PPP2R5C: variants seen among roughly 807,000 people sequenced by gnomAD.
PPP2R5C encodes protein phosphatase 2 regulatory subunit B'gamma.
PPP2R5C carries 7 observed loss-of-function variants against 68.9 expected under a neutral mutation model. The ratio of observed to expected loss-of-function variants is 0.10; its 90% CI spans 0.06 to 0.19. PPP2R5C has a LOEUF of 0.19. Among genes scored for constraint, PPP2R5C ranks in the 10% least tolerant of loss-of-function variants. The pLI is 1.00. For synonymous variants in PPP2R5C, 210 were observed against 222.2 expected, an observed-to-expected ratio of 0.95 and a Z score of 0.49; for missense variants, 348 against 641.3, an observed-to-expected ratio of 0.54 and a Z score of 4.94.
At chr14:101,887,287 A>G (rs536185791) in intron 5 of PPP2R5C, among the ~76,000 whole-genome samples, 11 of 152,178 alleles carry the variant, frequency 7.2e-5, no homozygotes, top group Non-Finnish European at 1.6e-4. Context: ...ATAACCAGCC[A>G]TGGGTCATGC....
chr14:101,827,274 C>G (rs1479321116), intron 1 of PPP2R5C, among the ~76,000 whole-genome samples: 1 of 152,046 alleles, frequency 6.6e-6, no homozygotes, highest in Non-Finnish European at 1.5e-5. Context: ...CTACACCCAG[C>G]CTTGTTTAAC....
In PPP2R5C at chr14:101,874,061, G is replaced by T. The variant is rs551732265; in HGVS notation, c.295-8100G>T. Reference sequence around the variant, plus strand: ...AGATACTCAATAAACACTTAACTCCGTCCACCCAGGGGATCTAGCAATTAT... The same window carrying T: ...AGATACTCAATAAACACTTAACTCCTTCCACCCAGGGGATCTAGCAATTAT... On this transcript the variant is annotated intron_variant, in intron 2 of 13. Coordinates refer to ENST00000334743, the Ensembl canonical transcript of PPP2R5C. Among the ~76,000 whole-genome samples the T allele has an allele frequency of 2.0e-5, 3 of 152,254 alleles. No homozygotes were observed. In the South Asian group the frequency reaches 6.2e-4, roughly 32 times the overall value.
In PPP2R5C at chr14:101,761,941, G is replaced by A. The variant is rs1012942825; in HGVS notation, c.27+21G>A. 45 of 1,191,356 alleles carry A rather than the reference G, an allele frequency of 3.8e-5. No individual in the cohort carries two copies. The African/African-American group carries it at 6.1e-4, about 16-fold the overall frequency. 73.8% of individuals were successfully genotyped at this position (1,191,356 alleles called of 1,614,324 possible). A position where few individuals can be genotyped will look rare whatever the true frequency, so the allele number is the denominator to read the frequency against. On this transcript the variant is annotated intron_variant, in intron 1 of 14. Transcript: ENST00000328724. ...AGAAAGTGAGTCCGGGCCCGGCCGC[G>A]GGACGGAGGGAGCAGGGAGGGACTG...
intron 5 of PPP2R5C, 54 bp downstream of exon 7, chr14:101,883,616 C>T (rs2044295895): frequency 6.3e-7 from 1 of 1,585,464 alleles, no homozygotes; most frequent in African/African-American, 1.4e-5. Flanking sequence ...TCATTTCCCC[C>T]CTCGATGCTC....
At chr14:101,791,843 A>C (rs902355762) in intron 3 of PPP2R5C, among the ~76,000 whole-genome samples, 7 of 152,110 alleles carry the variant, frequency 4.6e-5, no homozygotes, top group Non-Finnish European at 1.0e-4. Context: ...CTAGTATCTG[A>C]GGTGTTTGAC....
intron 2 of PPP2R5C, among the ~76,000 whole-genome samples, chr14:101,868,096 T>G (rs570526241): frequency 1.3e-5 from 2 of 152,344 alleles, no homozygotes; most frequent in African/African-American, 4.8e-5. Context: ...CAGTGTGTTC[T>G]GGAAAGTTTT....
intron 3 of PPP2R5C, among the ~76,000 whole-genome samples, chr14:101,787,492 A>C (rs779626509): frequency 6.6e-6 from 1 of 151,846 alleles, no homozygotes; most frequent in Admixed American, 6.6e-5. Flanking sequence ...GGCCGGGCGC[A>C]GTGGCTCATG....
chr14:101,816,198 G>C (rs1361748522), intron 1 of PPP2R5C, among the ~76,000 whole-genome samples: 1 of 152,232 alleles, frequency 6.6e-6, no homozygotes, highest in Non-Finnish European at 1.5e-5. Context: ...AAGGCGGCTG[G>C]TTGAAAGAGC....
chr14:101,828,676 CTTTTT>C (rs547728275), intron 1 of PPP2R5C, among the ~76,000 whole-genome samples: 14 of 131,060 alleles, frequency 1.1e-4, no homozygotes, highest in African/African-American at 3.4e-4. Flanking sequence ...CACAGATACT[CTTTTT>C]TTTTTTTTTT....
At chr14:101,867,603 C>T (rs1487330446) in intron 2 of PPP2R5C, among the ~76,000 whole-genome samples, 2 of 151,942 alleles carry the variant, frequency 1.3e-5, no homozygotes, top group Middle Eastern at 3.2e-3. Flanking sequence ...TATGGTGTAA[C>T]CTCATCTCTA....
intron 10 of PPP2R5C, among the ~76,000 whole-genome samples, chr14:101,908,090 C>T (rs1390162586): frequency 2.6e-5 from 4 of 152,234 alleles, no homozygotes; most frequent in Non-Finnish European, 5.9e-5. Context: ...TCTTTCTTAG[C>T]CACAGTTTCT....
chr14:101,786,051 G>A, exon 3 of PPP2R5C: 1 of 1,539,724 alleles, frequency 6.5e-7, no homozygotes, highest in Non-Finnish European at 8.7e-7. Context: ...CCTTGTTGCT[G>A]TCCCGTCTAC....
chr14:101,905,091 C>A (rs1289259598), intron 9 of PPP2R5C, among the ~76,000 whole-genome samples: 1 of 152,222 alleles, frequency 6.6e-6, no homozygotes, highest in Non-Finnish European at 1.5e-5. Context: ...CAGTGGCTCA[C>A]GCCTGTAGTC....
At chr14:101,783,738 C>G (rs1248980278) in intron 2 of PPP2R5C, among the ~76,000 whole-genome samples, 2 of 152,184 alleles carry the variant, frequency 1.3e-5, no homozygotes, top group Non-Finnish European at 2.9e-5. Flanking sequence ...CGGGGGAGCC[C>G]TGTCATTGGC....
In PPP2R5C at chr14:101,860,686, C is replaced by T. The variant is rs561551453; in HGVS notation, c.294+3801C>T. Among the ~76,000 whole-genome samples, 5 of 152,306 alleles carry T rather than the reference C, an allele frequency of 3.3e-5. No homozygotes were observed. In the East Asian group the frequency reaches 7.7e-4, roughly 23 times the overall value. ...TTCCAGTTTCTCCATATCCTCAACA[C>T]TTGTTATGATCTGTTTTATTACAGC... On this transcript the variant is annotated intron_variant, in intron 2 of 13. Transcript: ENST00000334743.
chr14:101,818,165 A>G (rs891844232), intron 1 of PPP2R5C: 1 of 152,184 alleles, frequency 6.6e-6, no homozygotes, highest in East Asian at 1.9e-4. Flanking sequence ...GCACATGTCC[A>G]CGGCCTCAGT....
At chr14:101,871,925 T>A (rs2043444877) in intron 2 of PPP2R5C, among the ~76,000 whole-genome samples, 1 of 152,208 alleles carries the variant, frequency 6.6e-6, no homozygotes, top group African/African-American at 2.4e-5. Context: ...TTTCCGCTAT[T>A]ATCATACATA....
At chr14:101,823,944 A>G in intron 1 of PPP2R5C, 1 of 1,285,574 alleles carries the variant, frequency 7.8e-7, no homozygotes, top group Non-Finnish European at 1.0e-6. Context: ...TCACGAAGGT[A>G]AGGTTGTACT....
intron 5 of PPP2R5C, among the ~76,000 whole-genome samples, chr14:101,887,603 C>G (rs1187030507): frequency 2.6e-5 from 4 of 152,198 alleles, no homozygotes; most frequent in African/African-American, 7.2e-5. Context: ...TTGAGCTCCT[C>G]CAGGTTGTCT....
Sources: gnomAD v4.1 joint callset for allele counts (sites outside exome capture counted in the v4.1 genomes callset) on GRCh38, gnomAD v4.1.1 for gene constraint, MANE v1.5 for transcripts, NCBI Gene and HGNC (gene_info 2026-07-23, HGNC 2026-07-21) for gene names.